Variants in ADNP observed in about 807,000 individuals in gnomAD.
ADNP encodes the protein activity-dependent neuroprotector homeobox protein.
Under a neutral mutation model 84.9 loss-of-function variants are expected in ADNP, and 4 were observed. That is an observed-to-expected ratio of 0.05 (90% CI 0.02 to 0.11). ADNP has a LOEUF of 0.11. Among genes scored for constraint, ADNP ranks in the 10% least tolerant of loss-of-function variants. The probability of loss-of-function intolerance (pLI) is 1.00; values close to 1 mark genes in which losing one functional copy is unlikely to be tolerated. For missense variants in ADNP, 1,132 were observed against 1,326.0 expected, an observed-to-expected ratio of 0.85 and a Z score of 2.27; for synonymous variants, 554 against 468.1, an observed-to-expected ratio of 1.18 and a Z score of -2.37.
At chr20:50,920,665 A>C (rs1983900372) in intron 2 of ADNP, among the ~76,000 whole-genome samples, 1 of 152,104 alleles carries the variant, frequency 6.6e-6, no homozygotes, top group African/African-American at 2.4e-5. Flanking sequence ...ACATCTTCTC[A>C]ATCTAAGAGG....
At chr20:50,921,878 T>G (rs901339147) in intron 2 of ADNP, among the ~76,000 whole-genome samples, 1 of 152,066 alleles carries the variant, frequency 6.6e-6, no homozygotes, top group African/African-American at 2.4e-5. Context: ...ATATACCAAT[T>G]TAGATTTAGG....
intron 3 of ADNP, chr20:50,904,272 G>A: frequency 2.7e-6 from 1 of 370,326 alleles, no homozygotes. Flanking sequence ...TTCATTGACT[G>A]CAGTGCACTC....
rs1186714720 is a variant in ADNP, at chr20:50,894,434, G to A, written c.280C>T (p.Arg94Cys). 1 of 1,613,324 alleles carries A rather than the reference G, an allele frequency of 6.2e-7. No individual in the cohort carries two copies. Among genetic ancestry groups the A allele is most frequent in the Non-Finnish European group, 8.5e-7 (1 of 1,179,804 alleles). The change falls in exon 6 of 6, where the codon CGC (arginine) becomes TGC (cysteine). Residue 94 changes from arginine to cysteine, a missense_variant. Arg to Cys is a radical substitution (Grantham distance 180, BLOSUM62 -3). This residue lies in a region of ADNP where 5 missense variants were observed against 40.3 expected (regional missense o/e 0.12). Coordinates refer to ENST00000621696, the MANE Select transcript of ADNP (RefSeq NM_001282531.3). ...TCAAAGTCTTCACTATGGACATTGC[G>A]GAAATGACTTTTGTAGGCAGAGAAG... Reference protein sequence around the residue: ...KFFSAYKSHFRNVHSEDFENR... With the variant: ...KFFSAYKSHFCNVHSEDFENR...
chr20:50,896,310 T>TA (rs1364126469), intron 5 of ADNP, among the ~76,000 whole-genome samples: 1 of 151,510 alleles, frequency 6.6e-6, no homozygotes, highest in Non-Finnish European at 1.5e-5. Flanking sequence ...TCTATAAGCT[T>TA]AAAAAAATTT....
chr20:50,924,184 T>C (rs917050930), intron 2 of ADNP, among the ~76,000 whole-genome samples: 6 of 152,216 alleles, frequency 3.9e-5, no homozygotes, highest in African/African-American at 1.4e-4. Context: ...ACAGACTGAC[T>C]GTCTTAAACT....
intron 2 of ADNP, among the ~76,000 whole-genome samples, chr20:50,911,111 A>G (rs1349809396): frequency 6.6e-6 from 1 of 152,252 alleles, no homozygotes; most frequent in Admixed American, 6.5e-5. Context: ...TTACAAAGCA[A>G]GAGTCAGACA....
chr20:50,914,132 A>T, intron 2 of ADNP: 1 of 770,496 alleles, frequency 1.3e-6, no homozygotes. Context: ...GATGGTAAGG[A>T]TCATTATGAG....
chr20:50,900,645 T>C (rs930855291), intron 5 of ADNP, among the ~76,000 whole-genome samples: 4 of 152,230 alleles, frequency 2.6e-5, no homozygotes, highest in Non-Finnish European at 5.9e-5. Flanking sequence ...AATGTCGTTA[T>C]GTGGTGAATG....
chr20:50,915,091 T>C (rs1299595772), intron 2 of ADNP, among the ~76,000 whole-genome samples: 1 of 152,190 alleles, frequency 6.6e-6, no homozygotes, highest in Non-Finnish European at 1.5e-5. Context: ...CTTGTTAAAA[T>C]GATTATGTAA....
At position 50,891,870 on chromosome 20, in the gene ADNP, T is replaced by C. The variant is rs749431988; in HGVS notation, c.2844A>G (p.Leu948=). The C allele has an allele frequency of 1.4e-5, 23 of 1,614,108 alleles. No homozygotes were observed. Among genetic ancestry groups the C allele is most frequent in the Admixed American group, 5.0e-5 (3 of 60,014 alleles). The change falls in exon 6 of 6, where the codon CTA becomes CTG. Residue 948 remains leucine (L), a synonymous_variant. Coordinates refer to ENST00000621696, the MANE Select transcript of ADNP (RefSeq NM_001282531.3). ...TIHLTEEPTK[L]MHNASDSEVD... ...CCTCACTATCAGATGCATTGTGCAT[T>C]AGTTTGGTTGGTTCCTCAGTCAAAT...
chr20:50,926,630 T>G (rs1568747796), intron 2 of ADNP, among the ~76,000 whole-genome samples: 1 of 152,224 alleles, frequency 6.6e-6, no homozygotes, highest in Non-Finnish European at 1.5e-5. Context: ...ACTTTTCATC[T>G]GTATTTAATA....
chr20:50,924,575 G>GAT (rs1317624101), intron 2 of ADNP, among the ~76,000 whole-genome samples: 2 of 152,164 alleles, frequency 1.3e-5, no homozygotes, highest in African/African-American at 4.8e-5. Context: ...GTGAAACAAG[G>GAT]ATAGTCCTGA....
chr20:50,904,044 A>C, intron 3 of ADNP, 43 bp from the exon 4 acceptor site: 6 of 1,428,936 alleles, frequency 4.2e-6, no homozygotes, highest in Non-Finnish European at 5.9e-6. Flanking sequence ...AACACGTACA[A>C]CTTGTAATAT....
intron 1 of ADNP, among the ~76,000 whole-genome samples, chr20:50,930,620 G>A (rs1421537354): frequency 2.6e-5 from 4 of 152,224 alleles, no homozygotes; most frequent in Admixed American, 6.5e-5. Context: ...GACCTCCGGA[G>A]CAGAGTCGGG....
chr20:50,912,092 C>A (rs1003930904), intron 2 of ADNP, among the ~76,000 whole-genome samples: 3 of 152,210 alleles, frequency 2.0e-5, no homozygotes, highest in Non-Finnish European at 4.4e-5. Flanking sequence ...GAGAGCTACA[C>A]AAGGATCCTT....
intron 5 of ADNP, among the ~76,000 whole-genome samples, chr20:50,895,605 T>C (rs1157778054): frequency 6.6e-6 from 1 of 152,158 alleles, no homozygotes; most frequent in Non-Finnish European, 1.5e-5. Flanking sequence ...TGGAGTGCAG[T>C]GGCACAATCG....
intron 5 of ADNP, among the ~76,000 whole-genome samples, chr20:50,898,628 T>C (rs921234619): frequency 6.6e-6 from 1 of 152,244 alleles, no homozygotes; most frequent in Non-Finnish European, 1.5e-5. Flanking sequence ...TTCGTAGTCC[T>C]TAATCACTTC....
At chr20:50,900,598 G>A (rs1258376384) in intron 5 of ADNP, among the ~76,000 whole-genome samples, 1 of 152,144 alleles carries the variant, frequency 6.6e-6, no homozygotes, top group Admixed American at 6.5e-5. Flanking sequence ...ATATTCTTAT[G>A]GGACCACTGT....
rs532471463 is a variant in ADNP at position 50,928,845 on chromosome 20, A to T, written c.-264-20T>A. On this transcript the variant is annotated intron_variant, in intron 1 of 5. Coordinates refer to ENST00000621696, the MANE Select transcript of ADNP (RefSeq NM_001282531.3). ...TCACACCTATGGAAATAACAAGAGGAGTAAAATCTATGGAAATCAACACAC... is the reference window on the plus strand; with the variant it reads ...TCACACCTATGGAAATAACAAGAGGTGTAAAATCTATGGAAATCAACACAC... The T allele has an allele frequency of 8.5e-5, 13 of 152,352 alleles. No homozygotes were observed. The highest frequency in any genetic ancestry group is 1.0e-4 in the Non-Finnish European group (7 of 68,040). 9.4% of individuals were successfully genotyped at this position (152,352 alleles called of 1,614,324 possible). A position where few individuals can be genotyped will look rare whatever the true frequency, so the allele number is the denominator to read the frequency against.
Sources: allele counts gnomAD v4.1 joint callset (sites outside exome capture counted in the v4.1 genomes callset), GRCh38; gene constraint gnomAD v4.1.1; regional missense constraint gnomAD v4.1.1; transcripts MANE v1.5; gene names NCBI Gene and HGNC (gene_info 2026-07-23, HGNC 2026-07-21).